ACACA: variants seen among roughly 807,000 people sequenced by gnomAD.
ACACA encodes acetyl-CoA carboxylase alpha.
In ACACA, 103 loss-of-function variants were observed where a neutral mutation model predicts 296.1. The ratio of observed to expected loss-of-function variants is 0.35; its 90% confidence interval spans 0.30 to 0.41. ACACA has a LOEUF of 0.41. ACACA is among the 10% of genes least tolerant of loss of function. The pLI, the probability that ACACA is intolerant of heterozygous loss-of-function variation, is 1.00. For synonymous variants in ACACA, 953 were observed against 1,038.6 expected, an observed-to-expected ratio of 0.92 and a Z score of 1.58; for missense variants, 1,554 against 2,989.7, an observed-to-expected ratio of 0.52 and a Z score of 11.20.
At chr17:37,362,924 G>A (rs1180814356) in intron 1 of ACACA, among the ~76,000 whole-genome samples, 2 of 146,852 alleles carry the variant, frequency 1.4e-5, no homozygotes, top group Admixed American at 6.8e-5. Context: ...GCAGTAAGCT[G>A]AGATCGCGCC....
In ACACA at chr17:37,339,827, G is replaced by T; in HGVS notation, c.62C>A (p.Thr21Asn). ...ACCTCTTATAATTCTTACTGTCTGA[G>T]TAGATATCCACTTCCAAAAAGACCT... ...RARSFWKWISTQTVRIIRAVR... is the reference protein window; with the variant it reads ...RARSFWKWISNQTVRIIRAVR... Residue 21 changes from threonine (T) to asparagine (N), a missense_variant, in exon 2 of 56, where the codon ACT (threonine) becomes AAT (asparagine). Physicochemically the swap from Thr to Asn is moderately conservative, Grantham distance 65 (BLOSUM62 0). Around this residue, in one of 16 missense-constraint regions of ACACA, gnomAD observed 140 missense variants for 147.7 expected, o/e 0.95. Transcript: ENST00000616317. 1 of 1,379,332 alleles carries T rather than the reference G, an allele frequency of 7.2e-7. No individual in the cohort carries two copies. Among genetic ancestry groups the T allele is most frequent in the Non-Finnish European group, 1.0e-6 (1 of 976,358 alleles). The allele number at this position is 1,379,332 out of a possible 1,614,324, so 85.4% of individuals were successfully genotyped here. A position where few individuals can be genotyped will look rare whatever the true frequency, so the allele number is the denominator to read the frequency against.
intron 54 of ACACA, among the ~76,000 whole-genome samples, chr17:37,095,022 G>A (rs562587088): frequency 2.6e-5 from 4 of 152,108 alleles, no homozygotes; most frequent in African/African-American, 7.2e-5. Context: ...TTCTTCAGAC[G>A]CTCTGTCCGC....
At chr17:37,286,297 G>T (rs1318168359) in intron 3 of ACACA, among the ~76,000 whole-genome samples, 1 of 152,170 alleles carries the variant, frequency 6.6e-6, no homozygotes, top group Non-Finnish European at 1.5e-5. Flanking sequence ...ACAGGCCTGG[G>T]TTTACATTCC....
At chr17:37,235,441 G>C (rs2080063641) in intron 24 of ACACA, among the ~76,000 whole-genome samples, 1 of 151,890 alleles carries the variant, frequency 6.6e-6, no homozygotes, top group African/African-American at 2.4e-5. Flanking sequence ...GAAAGATTGG[G>C]AATAACTCAA....
chr17:37,379,274 A>G (rs749430438), intron 1 of ACACA: 3 of 1,614,006 alleles, frequency 1.9e-6, no homozygotes, highest in Non-Finnish European at 8.5e-7. Flanking sequence ...GCATATTTTG[A>G]AGAACCTGAG....
intron 13 of ACACA, 113 bp downstream of exon 13, chr17:37,258,097 CTA>C (rs2081298553): frequency 2.3e-6 from 3 of 1,327,500 alleles, no homozygotes; most frequent in Middle Eastern, 1.9e-4. Flanking sequence ...TGAGAAACCT[CTA>C]TGTTTCCCAC....
intron 40 of ACACA, among the ~76,000 whole-genome samples, chr17:37,180,036 C>T (rs574017896): frequency 6.6e-6 from 1 of 152,248 alleles, no homozygotes; most frequent in African/African-American, 2.4e-5. Context: ...GTAAGTAAAT[C>T]CTTTGTGAAG....
At chr17:37,170,836 G>A (rs757394310) in intron 41 of ACACA, among the ~76,000 whole-genome samples, 22 of 152,284 alleles carry the variant, frequency 1.4e-4, no homozygotes, top group Non-Finnish European at 2.6e-4. Flanking sequence ...AGCACACACA[G>A]GCACTTCCCA....
intron 25 of ACACA, among the ~76,000 whole-genome samples, chr17:37,231,118 A>G (rs1335402340): frequency 6.6e-6 from 1 of 152,156 alleles, no homozygotes; most frequent in Non-Finnish European, 1.5e-5. Context: ...TCATGCCTGT[A>G]GTCCCAGCAT....
At chr17:37,332,851 A>C (rs1211878146) in intron 2 of ACACA, among the ~76,000 whole-genome samples, 3 of 150,704 alleles carry the variant, frequency 2.0e-5, no homozygotes, top group Non-Finnish European at 4.4e-5. Context: ...CGGAGGTTGC[A>C]GTGAGCTGAG....
chr17:37,126,369 C>T (rs930579713), intron 47 of ACACA, among the ~76,000 whole-genome samples: 80 of 152,160 alleles, frequency 5.3e-4, no homozygotes, highest in African/African-American at 1.8e-3. Context: ...AACCTTTCTA[C>T]AAAAAAGGGC....
At chr17:37,135,515 T>C (rs146606148) in intron 45 of ACACA, among the ~76,000 whole-genome samples, 84 of 152,170 alleles carry the variant, frequency 5.5e-4, no homozygotes, top group East Asian at 5.4e-3. Context: ...CAGCAAATCA[T>C]GAAGTGATCA....
intron 3 of ACACA, among the ~76,000 whole-genome samples, chr17:37,291,258 C>A (rs1007975693): frequency 6.6e-6 from 1 of 151,846 alleles, no homozygotes; most frequent in Admixed American, 6.6e-5. Context: ...TCACCGCAAC[C>A]TCCACCTCCT....
In ACACA at chr17:37,328,289, A is replaced by G. The variant is rs567717126; in HGVS notation, c.338+1884T>C. On this transcript the variant is annotated intron_variant, in intron 3 of 55. Transcript: ENST00000616317. ...AACTATCAAAAAGTATTTTGTGGCC[A>G]GGTGTGGTGGCTCATGCCTGTAATC... Among the ~76,000 whole-genome samples, 28 of 152,312 alleles carry G rather than the reference A, an allele frequency of 1.8e-4. 2 individuals are homozygous for G. Among genetic ancestry groups the G allele is most frequent in the East Asian group, 1.5e-3 (8 of 5,186 alleles).
chr17:37,167,153 G>A (rs538016117), intron 41 of ACACA, among the ~76,000 whole-genome samples: 6 of 147,940 alleles, frequency 4.1e-5, no homozygotes, highest in African/African-American at 1.3e-4. Context: ...GTACAGATGG[G>A]GTTTCACCAT....
intron 3 of ACACA, among the ~76,000 whole-genome samples, chr17:37,286,497 C>G (rs2082779904): frequency 6.6e-6 from 1 of 152,184 alleles, no homozygotes; most frequent in Admixed American, 6.5e-5. Context: ...TTCCAAGACT[C>G]CTTTGCTAGC....
intron 47 of ACACA, among the ~76,000 whole-genome samples, chr17:37,128,024 C>CA (rs1173864454): frequency 0.026 from 1,042 of 39,664 alleles, 302 homozygotes; most frequent in African/African-American, 0.048. Flanking sequence ...AACTCCATCT[C>CA]AAAAAAAAAA....
At chr17:37,122,943 C>A (rs2074599490) in intron 48 of ACACA, 1 of 462,050 alleles carries the variant, frequency 2.2e-6, no homozygotes, top group East Asian at 4.5e-5. Flanking sequence ...ACATCCCTAC[C>A]CCTGTGGCTG....
intron 5 of ACACA, among the ~76,000 whole-genome samples, chr17:37,279,922 A>AT (rs2082436752): frequency 6.6e-6 from 1 of 152,180 alleles, no homozygotes; most frequent in African/African-American, 2.4e-5. Context: ...TCAATAGCCT[A>AT]TATAATTCAT....
Sources: allele counts gnomAD v4.1 joint callset (sites outside exome capture counted in the v4.1 genomes callset), GRCh38; gene constraint gnomAD v4.1.1; regional missense constraint gnomAD v4.1.1; transcripts MANE v1.5; gene names NCBI Gene and HGNC (gene_info 2026-07-23, HGNC 2026-07-21).